Variants in SNX29 observed in about 807,000 individuals in gnomAD.
The protein encoded by SNX29 is sorting nexin 29.
Under a neutral mutation model 102.1 loss-of-function variants are expected in SNX29, and 78 were observed. The ratio of observed to expected loss-of-function variants is 0.76; its 90% CI spans 0.64 to 0.92. The LOEUF is 0.92. Among genes scored for constraint, SNX29 ranks in the 40% least tolerant of loss-of-function variants. SNX29 has a pLI of 0.00. For missense variants in SNX29, 1,280 were observed against 1,061.7 expected, an observed-to-expected ratio of 1.21 and a Z score of -2.86; for synonymous variants, 580 against 414.5, an observed-to-expected ratio of 1.40 and a Z score of -4.85.
At chr16:12,502,947 C>A (rs750826192) in intron 19 of SNX29, among the ~76,000 whole-genome samples, 1 of 152,236 alleles carries the variant, frequency 6.6e-6, no homozygotes, top group African/African-American at 2.4e-5. Context: ...GAAGCACTCA[C>A]GTTGCTGCAT....
chr16:11,996,646 G>A (rs982402293), intron 1 of SNX29, among the ~76,000 whole-genome samples: 3 of 152,226 alleles, frequency 2.0e-5, no homozygotes, highest in Non-Finnish European at 4.4e-5. Context: ...CTCAAGGGCA[G>A]GTAGAGCTGT....
chr16:12,210,097 C>G (rs2077143761), intron 14 of SNX29, among the ~76,000 whole-genome samples: 1 of 152,190 alleles, frequency 6.6e-6, no homozygotes, highest in Non-Finnish European at 1.5e-5. Context: ...TCTGTCCAGC[C>G]CTCAATCCAT....
chr16:12,553,807 C>G (rs527775366), intron 20 of SNX29, among the ~76,000 whole-genome samples: 1 of 152,048 alleles, frequency 6.6e-6, no homozygotes, highest in East Asian at 1.9e-4. Flanking sequence ...AGGCTAGTCT[C>G]GAACTCCTGA....
intron 11 of SNX29, among the ~76,000 whole-genome samples, chr16:12,103,334 A>G (rs1256859001): frequency 6.6e-6 from 1 of 152,220 alleles, no homozygotes; most frequent in African/African-American, 2.4e-5. Flanking sequence ...CCAAAGCAGC[A>G]TGGTACTGGT....
chr16:12,168,221 G>A (rs928765253), intron 13 of SNX29, among the ~76,000 whole-genome samples: 3 of 152,192 alleles, frequency 2.0e-5, no homozygotes, highest in Non-Finnish European at 4.4e-5. Context: ...GCTGGAGGGC[G>A]GGGATCCAGG....
At chr16:12,467,958 C>G (rs891729628) in intron 18 of SNX29, among the ~76,000 whole-genome samples, 3 of 152,146 alleles carry the variant, frequency 2.0e-5, no homozygotes, top group Non-Finnish European at 2.9e-5. Context: ...CCAGCTCCGG[C>G]TCTGTGGCTC....
intron 14 of SNX29, among the ~76,000 whole-genome samples, chr16:12,200,482 C>CAT (rs2076885377): frequency 1.3e-5 from 1 of 78,452 alleles, no homozygotes; most frequent in Non-Finnish European, 3.3e-5. Context: ...CCCACATTCA[C>CAT]GTGTCTTTTT....
At chr16:12,312,661 C>A (rs915590913) in intron 15 of SNX29, among the ~76,000 whole-genome samples, 1 of 134,694 alleles carries the variant, frequency 7.4e-6, no homozygotes, top group Non-Finnish European at 1.5e-5. Flanking sequence ...TGCTGAGTGT[C>A]AGATGTTTCT....
chr16:12,254,992 G>A (rs911610175), intron 14 of SNX29, among the ~76,000 whole-genome samples: 1 of 152,166 alleles, frequency 6.6e-6, no homozygotes, highest in African/African-American at 2.4e-5. Flanking sequence ...ACGTGCAGCA[G>A]GAATTGTTTC....
intron 20 of SNX29, among the ~76,000 whole-genome samples, chr16:12,536,299 C>G (rs887669204): frequency 6.6e-6 from 1 of 151,976 alleles, no homozygotes; most frequent in South Asian, 2.1e-4. Flanking sequence ...CTAGCTCGTT[C>G]TGGGAAGACA....
chr16:12,265,884 T>A (rs193168436), intron 14 of SNX29, among the ~76,000 whole-genome samples: 7 of 152,140 alleles, frequency 4.6e-5, no homozygotes, highest in Non-Finnish European at 8.8e-5. Flanking sequence ...TGAGACACCC[T>A]GTCTCAAAAA....
intron 9 of SNX29, among the ~76,000 whole-genome samples, chr16:12,068,613 C>T (rs71385188): frequency 5.9e-5 from 9 of 152,192 alleles, no homozygotes; most frequent in African/African-American, 1.7e-4. Flanking sequence ...GGCACGATCT[C>T]GGCTCACTGC....
At position 12,545,471 on chromosome 16, in the gene SNX29, T is replaced by C. The variant is rs560532471; in HGVS notation, c.2318+20630T>C. The C allele has an allele frequency of 7.2e-5, 11 of 152,346 alleles. No homozygotes were observed. The South Asian group carries it at 2.3e-3, about 32-fold the overall frequency. The allele number at this position is 152,346 out of a possible 1,614,324, so 9.4% of individuals were successfully genotyped here. ...GGCTTGTGGACGGATAGGATGCCAGTGACTCTCCTCCTGCAACTGTGGCAA... is the reference window on the plus strand; with the variant it reads ...GGCTTGTGGACGGATAGGATGCCAGCGACTCTCCTCCTGCAACTGTGGCAA... On this transcript the variant is annotated intron_variant, in intron 20 of 20. Transcript: ENST00000566228.
chr16:12,242,643 TTCTTG>T (rs2142308438), intron 14 of SNX29, among the ~76,000 whole-genome samples: 1 of 150,964 alleles, frequency 6.6e-6, no homozygotes, highest in East Asian at 1.9e-4. Context: ...TCTTCTTTTC[TTCTTG>T]TCTTCTCTTC....
intron 15 of SNX29, among the ~76,000 whole-genome samples, chr16:12,284,361 C>G (rs7197417): frequency 0.53 from 81,033 of 152,086 alleles, 22,074 homozygotes; most frequent in Non-Finnish European, 0.6. Flanking sequence ...TTGGGAATGA[C>G]ACATAAGAAC....
chr16:12,570,521 G>T lies in SNX29; in HGVS notation c.*1892G>T, dbSNP rs185638841. On this transcript the variant is annotated 3_prime_UTR_variant, in exon 21 of 21. Transcript: ENST00000566228. ...CTTAGGTTGGGTTTATGCCACATCG[G>T]TCATTTTGAAGTAGGTGTTTGATGC... 5 of 232,510 alleles carry T rather than the reference G, an allele frequency of 2.2e-5. No individual in the cohort carries two copies. Among genetic ancestry groups the T allele is most frequent in the Non-Finnish European group, 4.2e-5 (5 of 117,712 alleles). 14.4% of individuals were successfully genotyped at this position (232,510 alleles called of 1,614,324 possible).
At chr16:12,538,240 C>A (rs558629439) in intron 20 of SNX29, among the ~76,000 whole-genome samples, 1 of 152,104 alleles carries the variant, frequency 6.6e-6, no homozygotes, top group Non-Finnish European at 1.5e-5. Flanking sequence ...CTCAGTCTCC[C>A]TAGTAGCTGG....
chr16:12,316,679 G>A (rs1238252761), intron 15 of SNX29, among the ~76,000 whole-genome samples: 3 of 152,004 alleles, frequency 2.0e-5, no homozygotes, highest in Non-Finnish European at 4.4e-5. Flanking sequence ...ACATCTTAAG[G>A]TCCCGCTCAC....
At chr16:12,162,782 A>G (rs2055844994) in intron 13 of SNX29, among the ~76,000 whole-genome samples, 1 of 152,214 alleles carries the variant, frequency 6.6e-6, no homozygotes, top group Admixed American at 6.5e-5. Flanking sequence ...CCCTGAATGC[A>G]GACCCAGGAA....
Sources: allele counts gnomAD v4.1 joint callset (sites outside exome capture counted in the v4.1 genomes callset), GRCh38; gene constraint gnomAD v4.1.1; transcripts MANE v1.5; gene names NCBI Gene and HGNC (gene_info 2026-07-23, HGNC 2026-07-21).